Variants in PICALM observed in about 807,000 individuals in gnomAD.
PICALM encodes the protein phosphatidylinositol binding clathrin assembly protein, also known as phosphatidylinositol-binding clathrin assembly protein.
Under a neutral mutation model 80.5 loss-of-function variants are expected in PICALM, and 40 were observed. That is an observed-to-expected ratio of 0.50 (90% CI 0.39 to 0.65). PICALM has a LOEUF of 0.65. Among genes scored for constraint, PICALM ranks in the 30% least tolerant of loss-of-function variants. The pLI, the probability that PICALM is intolerant of heterozygous loss-of-function variation, is 0.00. For synonymous variants in PICALM, 288 were observed against 260.3 expected (o/e 1.11, Z -1.02); for missense variants, 676 against 778.9 (o/e 0.87, Z 1.57).
Position 85,986,262 on chromosome 11 carries a change from C to T in PICALM, c.1409-2289G>A, listed in dbSNP as rs1416949012. 2.0e-5 allele frequency among the ~76,000 whole-genome samples: 3 copies of T among 151,536 alleles called. No individual in the cohort carries two copies. In the East Asian group the frequency reaches 5.8e-4, roughly 29 times the overall value. On this transcript the variant is annotated intron_variant, in intron 13 of 19. Transcript: ENST00000393346. ...AAAGTAAAAATCTTTTAAGTAATTA[C>T]TGCATGCCTGAAACACATACACCAA...
rs937807819 is a variant in PICALM at position 86,000,995 on chromosome 11, T to C, written c.1017+40A>G. 6.8e-6 allele frequency: 11 copies of C among 1,609,298 alleles called. No individual in the cohort carries two copies. In the Admixed American group the frequency reaches 8.3e-5, roughly 12 times the overall value. On this transcript the variant is annotated intron_variant, in intron 10 of 19. Coordinates refer to ENST00000393346, the MANE Select transcript of PICALM (RefSeq NM_007166.4). The stretch of plus-strand genomic sequence containing the variant: ...AGGCCCCATTTACCTAATGAACACC[T>C]GTACTCATTTTTCGAAATAAGGAGA...
At chr11:85,978,599 G>C (rs2094349642) in intron 17 of PICALM, 1 of 152,082 alleles carries the variant, frequency 6.6e-6, no homozygotes, top group South Asian at 2.1e-4. Context: ...ATCTTAAGTA[G>C]TGAATCACAT....
chr11:86,046,750 G>C (rs769563593), intron 1 of PICALM, among the ~76,000 whole-genome samples: 17 of 152,134 alleles, frequency 1.1e-4, no homozygotes, highest in Non-Finnish European at 2.4e-4. Flanking sequence ...GTCTTACTCT[G>C]TCACCCAGAC....
chr11:85,970,021 T>C (rs923689533), intron 19 of PICALM, among the ~76,000 whole-genome samples: 1 of 152,188 alleles, frequency 6.6e-6, no homozygotes, highest in Non-Finnish European at 1.5e-5. Flanking sequence ...GAGTAAGTTA[T>C]ATGATGAAAA....
At chr11:86,015,033 T>C (rs1040537799) in intron 4 of PICALM, 70 bp from the exon 5 acceptor site, 13 of 896,904 alleles carry the variant, frequency 1.4e-5, no homozygotes, top group African/African-American at 7.0e-5. Context: ...ACTCCCCCCC[T>C]GGTTTTCTAC....
chr11:85,975,724 G>C (rs2094258339), intron 18 of PICALM, among the ~76,000 whole-genome samples: 1 of 148,730 alleles, frequency 6.7e-6, no homozygotes, highest in African/African-American at 2.5e-5. Context: ...AGCCTCCCAA[G>C]TAGCTGGAAT....
Position 86,003,562 on chromosome 11 carries a change from T to C in PICALM, c.808-111A>G, listed in dbSNP as rs7131265. On this transcript the variant is annotated intron_variant, in intron 8 of 19. Transcript: ENST00000393346. ...AAAATAAACAGGTATGTTCTTCATG[T>C]ACTAATTAACAGTGGAGTTTTAGCT... 17,116 of 529,744 alleles carry C rather than the reference T, an allele frequency of 0.032. 518 individuals are homozygous for C. Among genetic ancestry groups the C allele is most frequent in the African/African-American group, 0.12 (6,381 of 52,202 alleles). The allele number at this position is 529,744 out of a possible 1,614,324, so 32.8% of individuals were successfully genotyped here. A position where few individuals can be genotyped will look rare whatever the true frequency, so the allele number is the denominator to read the frequency against.
intron 19 of PICALM, among the ~76,000 whole-genome samples, chr11:85,970,715 G>A (rs1014061251): frequency 6.6e-6 from 1 of 152,148 alleles, no homozygotes; most frequent in Non-Finnish European, 1.5e-5. Context: ...GGCTGAGGCA[G>A]GAGGTTTAAC....
chr11:86,009,121 ATGG>A (rs1188295738), intron 7 of PICALM, among the ~76,000 whole-genome samples: 1 of 151,032 alleles, frequency 6.6e-6, no homozygotes, highest in African/African-American at 2.4e-5. Context: ...CCCGGCCAAC[ATGG>A]TGAAACCTCA....
chr11:86,031,752 A>T, intron 1 of PICALM, 141 bp from the exon 2 acceptor site: 1 of 610,718 alleles, frequency 1.6e-6, no homozygotes, highest in East Asian at 2.8e-5. Context: ...AAATCTCTCA[A>T]TTAGAGCAAT....
intron 8 of PICALM, 132 bp downstream of exon 8, chr11:86,007,410 C>A: frequency 1.7e-6 from 1 of 589,170 alleles, no homozygotes; most frequent in South Asian, 1.8e-5. Context: ...TTCAGGAATA[C>A]ATCAAAATGT....
chr11:86,062,615 G>T (rs2096386143), intron 1 of PICALM, among the ~76,000 whole-genome samples: 1 of 151,944 alleles, frequency 6.6e-6, no homozygotes, highest in Non-Finnish European at 1.5e-5. Context: ...ACTTTCGTGG[G>T]GGATATAATA....
chr11:86,015,141 AGGCAACACAATAT>A (rs1188458261), intron 4 of PICALM, among the ~76,000 whole-genome samples, 178 bp from the exon 5 acceptor site: 4 of 152,212 alleles, frequency 2.6e-5, no homozygotes, highest in African/African-American at 9.6e-5. Context: ...AAACAAAAAC[AGGCAACACAATAT>A]GTCAAATATC....
chr11:86,016,595 A>G (rs569753257), intron 4 of PICALM, among the ~76,000 whole-genome samples: 25 of 152,290 alleles, frequency 1.6e-4, no homozygotes, highest in African/African-American at 5.5e-4. Context: ...CAAATTCACT[A>G]TCCTGGCTGA....
At chr11:86,049,101 T>C (rs1384165307) in intron 1 of PICALM, among the ~76,000 whole-genome samples, 3 of 152,082 alleles carry the variant, frequency 2.0e-5, no homozygotes, top group East Asian at 3.9e-4. Context: ...CAGACCAGCC[T>C]GACCAACATG....
chr11:86,053,664 C>A (rs963834782), intron 1 of PICALM, among the ~76,000 whole-genome samples: 5 of 152,092 alleles, frequency 3.3e-5, no homozygotes, highest in Admixed American at 3.3e-4. Flanking sequence ...GCCTCCTGGG[C>A]TCAAGTGATC....
chr11:86,015,972 T>G (rs2095475113), intron 4 of PICALM, among the ~76,000 whole-genome samples: 1 of 152,248 alleles, frequency 6.6e-6, no homozygotes, highest in African/African-American at 2.4e-5. Context: ...TAGACTGCCT[T>G]AAGTAGTCAC....
chr11:86,056,416 C>A (rs2096270976), intron 1 of PICALM, among the ~76,000 whole-genome samples: 1 of 150,106 alleles, frequency 6.7e-6, no homozygotes, highest in Non-Finnish European at 1.5e-5. Flanking sequence ...TGCTAAACAG[C>A]ATTAACCACT....
chr11:85,970,743 C>A (rs2094079468), intron 19 of PICALM, among the ~76,000 whole-genome samples: 2 of 152,150 alleles, frequency 1.3e-5, no homozygotes, highest in South Asian at 4.1e-4. Context: ...GCAGAGGCTG[C>A]AGTGAGCTGA....
Sources: gnomAD v4.1 joint callset for allele counts (sites outside exome capture counted in the v4.1 genomes callset) on GRCh38, gnomAD v4.1.1 for gene constraint, MANE v1.5 for transcripts, NCBI Gene and HGNC (gene_info 2026-07-23, HGNC 2026-07-21) for gene names.